Variants in MTR observed in about 807,000 individuals in gnomAD.
MTR encodes the protein methionine synthase.
In MTR, 84 loss-of-function variants were observed where a neutral mutation model predicts 154.8. The ratio of observed to expected loss-of-function variants is 0.54; its 90% confidence interval spans 0.45 to 0.65. The LOEUF is 0.65. Ranked by LOEUF, MTR falls within the 30% of genes least tolerant of loss-of-function variation. MTR has a pLI of 0.00. For missense variants in MTR, 1,275 were observed against 1,570.2 expected (o/e 0.81, Z 3.18); for synonymous variants, 554 against 553.9 (o/e 1.00, Z 0.00).
chr1:236,832,146 C>A, intron 13 of MTR, 68 bp downstream of exon 13: 1 of 1,204,880 alleles, frequency 8.3e-7, no homozygotes, highest in Non-Finnish European at 1.2e-6. Context: ...GTAAATGAAA[C>A]AGCTCTCTGC....
chr1:236,867,301 A>G (rs563584241), intron 22 of MTR, among the ~76,000 whole-genome samples: 3 of 152,316 alleles, frequency 2.0e-5, no homozygotes, highest in Non-Finnish European at 4.4e-5. Context: ...TGCTCTATAA[A>G]TGGAATGACA....
chr1:236,795,503 C>CCG lies in MTR; in HGVS notation c.-200_-199insGC. 1 of 1,521,668 alleles carries CCG rather than the reference C, an allele frequency of 6.6e-7. No homozygotes were observed. The highest frequency in any genetic ancestry group is 8.8e-7 in the Non-Finnish European group (1 of 1,137,468). 94.3% of individuals were successfully genotyped at this position (1,521,668 alleles called of 1,614,324 possible). A position where few individuals can be genotyped will look rare whatever the true frequency, so the allele number is the denominator to read the frequency against. ...GTGCTCCAGCAGTTGCCGCGCCCAGCCCCGAGAGAGGCCCTAGGGCGCTGC... is the reference window on the plus strand; with the variant it reads ...GTGCTCCAGCAGTTGCCGCGCCCAGCCGCCCGAGAGAGGCCCTAGGGCGCTGC... On this transcript the variant is annotated 5_prime_UTR_variant, in exon 1 of 33. Coordinates refer to ENST00000366577, the MANE Select transcript of MTR (RefSeq NM_000254.3).
chr1:236,848,296 G>A (rs1663705753), intron 15 of MTR, among the ~76,000 whole-genome samples: 1 of 152,022 alleles, frequency 6.6e-6, no homozygotes. Context: ...GCCCTGCTTG[G>A]CCAGATAATA....
chr1:236,827,923 T>C (rs1480356965), intron 11 of MTR, among the ~76,000 whole-genome samples: 1 of 152,170 alleles, frequency 6.6e-6, no homozygotes, highest in Admixed American at 6.5e-5. Context: ...CTCTACTGAG[T>C]TACCTTGTAG....
At chr1:236,841,350 C>G (rs915555346) in intron 15 of MTR, among the ~76,000 whole-genome samples, 1 of 152,188 alleles carries the variant, frequency 6.6e-6, no homozygotes, top group Non-Finnish European at 1.5e-5. Context: ...CTTTCTCACT[C>G]TTTATTTGTT....
intron 23 of MTR, 115 bp from the exon 24 acceptor site, chr1:236,874,611 A>T: frequency 1.4e-6 from 1 of 739,874 alleles, no homozygotes; most frequent in Non-Finnish European, 2.1e-6. Context: ...AATTCATGTT[A>T]GGTCTTTTGG....
At chr1:236,869,929 C>T (rs2103348387) in intron 22 of MTR, among the ~76,000 whole-genome samples, 1 of 152,356 alleles carries the variant, frequency 6.6e-6, no homozygotes, top group South Asian at 2.1e-4. Context: ...TAGGATGCTT[C>T]TGGTTGTCAC....
At chr1:236,820,100 G>A (rs1438700456) in intron 8 of MTR, 6 of 769,280 alleles carry the variant, frequency 7.8e-6, no homozygotes, top group African/African-American at 1.7e-5. Context: ...TCCCCTCTGC[G>A]CTATGTGGAC....
At chr1:236,864,080 T>C (rs1664700033) in intron 22 of MTR, among the ~76,000 whole-genome samples, 1 of 152,212 alleles carries the variant, frequency 6.6e-6, no homozygotes, top group African/African-American at 2.4e-5. Flanking sequence ...TAAAACCCCT[T>C]TCTATCTTAT....
intron 22 of MTR, among the ~76,000 whole-genome samples, chr1:236,868,750 A>G (rs983660649): frequency 6.6e-6 from 1 of 152,234 alleles, no homozygotes; most frequent in Non-Finnish European, 1.5e-5. Flanking sequence ...ACTGTCTAGT[A>G]TACGTAAAAG....
chr1:236,868,387 A>G (rs1664938498), intron 22 of MTR, among the ~76,000 whole-genome samples: 1 of 152,200 alleles, frequency 6.6e-6, no homozygotes, highest in South Asian at 2.1e-4. Flanking sequence ...CATAACTTTT[A>G]TATGCATTGA....
At chr1:236,827,800 G>C (rs1662379265) in intron 11 of MTR, among the ~76,000 whole-genome samples, 1 of 152,148 alleles carries the variant, frequency 6.6e-6, no homozygotes, top group African/African-American at 2.4e-5. Flanking sequence ...CAGTGAAATG[G>C]AACATTGTTT....
intron 15 of MTR, among the ~76,000 whole-genome samples, chr1:236,844,107 T>C (rs1268981022): frequency 6.6e-6 from 1 of 151,988 alleles, no homozygotes; most frequent in Admixed American, 6.6e-5. Context: ...ATCAGAAGGA[T>C]ATGAGAAGGA....
rs751171043 is a variant in MTR at position 236,897,024 on chromosome 1, C to G, written c.3617C>G (p.Ser1206Ter). Residue 1206 changes from serine (S) to a stop codon, truncating the protein, a stop_gained, in exon 32 of 33, where the codon TCA (serine) becomes TGA (stop). Transcript: ENST00000366577. LOFTEE classifies it high-confidence loss of function. ...CCTCTAGGCATTAGGTTAACAGAAT[C>G]ATTAGCAATGGCACCTGCTTCAGCA... The part of the protein sequence containing the change: ...EQSTGIRLTE[S>*]LAMAPASAVS... The G allele has an allele frequency of 1.2e-6, 2 of 1,613,892 alleles. No individual in the cohort carries two copies. The highest frequency in any genetic ancestry group is 2.2e-5 in the East Asian group (1 of 44,880).
In MTR at chr1:236,879,090, T is replaced by G. The variant is rs143578714; in HGVS notation, c.2595-1665T>G. ...CTTGAGAAGCCTGTTAAAAACACAC[T>G]CATGCATATATTACACCTATAACAG... On this transcript the variant is annotated intron_variant, in intron 24 of 32. Coordinates refer to ENST00000366577, the MANE Select transcript of MTR (RefSeq NM_000254.3). Among the ~76,000 whole-genome samples, 25 of 152,372 alleles carry G rather than the reference T, an allele frequency of 1.6e-4. No homozygotes were observed. In the East Asian group the frequency reaches 4.6e-3, roughly 28 times the overall value.
intron 18 of MTR, among the ~76,000 whole-genome samples, chr1:236,855,172 T>G (rs1202636763): frequency 1.3e-5 from 2 of 152,170 alleles, no homozygotes; most frequent in African/African-American, 4.8e-5. Context: ...AAGGGATTTT[T>G]TATCTTTTAT....
intron 13 of MTR, 139 bp from the exon 14 acceptor site, chr1:236,835,408 G>A: frequency 2.1e-6 from 2 of 952,650 alleles, no homozygotes; most frequent in Non-Finnish European, 3.4e-6. Flanking sequence ...TGGGTGGACA[G>A]CAGGCCCGGA....
intron 29 of MTR, among the ~76,000 whole-genome samples, chr1:236,893,209 C>T (rs533755458): frequency 5.9e-5 from 9 of 152,292 alleles, no homozygotes; most frequent in Non-Finnish European, 1.2e-4. Context: ...ACCTGGAAAA[C>T]GGCTTCCCCA....
chr1:236,851,615 G>A (rs7527176), intron 16 of MTR, among the ~76,000 whole-genome samples: 6,851 of 152,230 alleles, frequency 0.045, 474 homozygotes, highest in East Asian at 0.2. Context: ...TCTCCTAGGA[G>A]CAATGCTCTG....
Sources: gnomAD v4.1 joint callset for allele counts (sites outside exome capture counted in the v4.1 genomes callset) on GRCh38, gnomAD v4.1.1 for gene constraint, MANE v1.5 for transcripts, NCBI Gene and HGNC (gene_info 2026-07-23, HGNC 2026-07-21) for gene names.